The following AKAP8L variants were observed in gnomAD, a reference collection of about 807,000 sequenced individuals.
The protein encoded by AKAP8L is A-kinase anchoring protein 8 like.
Under a neutral mutation model 77.5 loss-of-function variants are expected in AKAP8L, and 34 were observed. That is an observed-to-expected ratio of 0.44 (90% CI 0.33 to 0.58). The LOEUF (loss-of-function observed/expected upper bound fraction) is 0.58. Ranked by LOEUF, AKAP8L falls within the 20% of genes least tolerant of loss-of-function variation. AKAP8L has a pLI of 0.02. For synonymous variants in AKAP8L, 342 were observed against 340.7 expected (o/e 1.00, Z -0.04); for missense variants, 806 against 887.6 (o/e 0.91, Z 1.17).
In AKAP8L at chr19:15,400,338, T is replaced by C; in HGVS notation, c.1005A>G (p.Gly335=). The C allele has an allele frequency of 6.2e-7, 1 of 1,612,892 alleles. No homozygotes were observed. ...TGCCTTCTTCTCTCCCATCCTCTTT[T>C]CCCTCCTCATCCTCTCCGTCCTAAC... ...GSRVDGEDEE[G]KEDGREEGKE... The change falls in exon 8 of 14, where the codon GGA becomes GGG. Residue 335 remains glycine (G), a synonymous_variant. Transcript: ENST00000397410.
rs1268572977 is a variant in AKAP8L, at chr19:15,398,637, G to A, written c.1157+665C>T. The A allele has an allele frequency of 1.3e-5, 13 of 986,494 alleles. No homozygotes were observed. The highest frequency in any genetic ancestry group is 1.1e-4 in the East Asian group (1 of 8,804). 61.1% of individuals were successfully genotyped at this position (986,494 alleles called of 1,614,324 possible). The stretch of plus-strand genomic sequence containing the variant: ...CTCGGGGCGGGTCCCTACCTCTGCC[G>A]GACGTCCTTATCTGGGCCACGGGGT... On this transcript the variant is annotated intron_variant, in intron 9 of 13. Coordinates refer to ENST00000397410, the MANE Select transcript of AKAP8L (RefSeq NM_014371.4). This position sits in a 1 kb window ranked among gnomAD's most constrained non-coding sequence, Gnocchi z 9.2.
chr19:15,398,826 C>T lies in AKAP8L; in HGVS notation c.1157+476G>A. ...GGGCTCAGCCGCAGACAGGCCCGGC[C>T]TGACAGGGCCGGCGGGCAGGGCAGA... is the stretch of plus-strand genomic sequence containing the variant. On this transcript the variant is annotated intron_variant, in intron 9 of 13. Coordinates refer to ENST00000397410, the MANE Select transcript of AKAP8L (RefSeq NM_014371.4). This position sits in a 1 kb window ranked among gnomAD's most constrained non-coding sequence, Gnocchi z 9.2. 1 of 1,016,220 alleles carries T rather than the reference C, an allele frequency of 9.8e-7. No homozygotes were observed. Among genetic ancestry groups the T allele is most frequent in the Non-Finnish European group, 1.2e-6 (1 of 848,576 alleles). 63.0% of individuals were successfully genotyped at this position (1,016,220 alleles called of 1,614,324 possible). A position where few individuals can be genotyped will look rare whatever the true frequency, so the allele number is the denominator to read the frequency against.
intron 2 of AKAP8L, among the ~76,000 whole-genome samples, chr19:15,409,613 G>T (rs1464529165): frequency 6.6e-6 from 1 of 152,066 alleles, no homozygotes; most frequent in East Asian, 1.9e-4. Flanking sequence ...TTCCAAAGAG[G>T]GCTCCTTCTC....
At position 15,399,225 on chromosome 19, in the gene AKAP8L, G is replaced by C. The variant is rs1967838589; in HGVS notation, c.1157+77C>G. ...AGGGAGGCCAGAGGGCGGCGAGCTG[G>C]CAGAGCTATGGCCCTGCTCTCCTGG... On this transcript the variant is annotated intron_variant, in intron 9 of 13. Transcript: ENST00000397410. The surrounding 1 kb of genome is among the most constrained non-coding windows in gnomAD (Gnocchi z 6.1). 7.4e-7 allele frequency: 1 copy of C among 1,351,004 alleles called. No homozygotes were observed. The highest frequency in any genetic ancestry group is 1.1e-6 in the Non-Finnish European group (1 of 945,862). 83.7% of individuals were successfully genotyped at this position (1,351,004 alleles called of 1,614,324 possible).
At chr19:15,383,000 A>G (rs1568260117) in intron 12 of AKAP8L, among the ~76,000 whole-genome samples, 1 of 152,234 alleles carries the variant, frequency 6.6e-6, no homozygotes, top group Non-Finnish European at 1.5e-5. Context: ...AAATTGGCAT[A>G]TAGGTCTACC....
At chr19:15,405,547 A>G (rs1481960946) in intron 2 of AKAP8L, among the ~76,000 whole-genome samples, 1 of 152,032 alleles carries the variant, frequency 6.6e-6, no homozygotes, top group Non-Finnish European at 1.5e-5. Flanking sequence ...AAAAAATAGA[A>G]CAACACACAG....
chr19:15,418,912 T>A lies in AKAP8L; in HGVS notation c.12A>T (p.Thr4=), dbSNP rs1446287295. 2 of 1,603,802 alleles carry A rather than the reference T, an allele frequency of 1.2e-6. No homozygotes were observed. Among genetic ancestry groups the A allele is most frequent in the Admixed American group, 3.3e-5 (2 of 59,970 alleles). The change falls in exon 1 of 14, where the codon ACA becomes ACT. Residue 4 remains threonine, a splice_region_variant and synonymous_variant. Coordinates refer to ENST00000397410, the MANE Select transcript of AKAP8L (RefSeq NM_014371.4). ...CCGACCCCACCCTGCCAGGCCCACCTGTGTAGCTCATGGTGGCGGGCAACA... is the reference window on the plus strand; with the variant it reads ...CCGACCCCACCCTGCCAGGCCCACCAGTGTAGCTCATGGTGGCGGGCAACA... The part of the protein sequence containing the change: MSY[T]GFVQGSETTL...
chr19:15,418,249 C>T (rs1038967302), intron 1 of AKAP8L, among the ~76,000 whole-genome samples: 3 of 152,356 alleles, frequency 2.0e-5, no homozygotes, highest in Admixed American at 1.3e-4. Context: ...GAATTCTTGT[C>T]TGTATTCCCA....
chr19:15,408,078 T>C (rs925068955), intron 2 of AKAP8L, among the ~76,000 whole-genome samples: 1 of 151,834 alleles, frequency 6.6e-6, no homozygotes, highest in Non-Finnish European at 1.5e-5. Flanking sequence ...GTGGATCATG[T>C]GAGGTCGGGA....
rs1967684097 is a variant in AKAP8L, at chr19:15,392,511, A to G, written c.1536+4639T>C. Among the ~76,000 whole-genome samples, 3 of 152,156 alleles carry G rather than the reference A, an allele frequency of 2.0e-5. No individual in the cohort carries two copies. The South Asian group carries it at 6.2e-4, about 32-fold the overall frequency. ...GACCCTATTTCAAGAATAAAAAAAA[A>G]AAGTATTTTTATACACATGCAAAAA... On this transcript the variant is annotated intron_variant, in intron 12 of 13. Transcript: ENST00000397410.
At chr19:15,413,485 G>A (rs1338748001) in intron 1 of AKAP8L, among the ~76,000 whole-genome samples, 1 of 152,118 alleles carries the variant, frequency 6.6e-6, no homozygotes, top group Non-Finnish European at 1.5e-5. Context: ...AAAACCGAGG[G>A]TATACAGATC....
In AKAP8L at chr19:15,400,290, C is replaced by CCCAG; in HGVS notation, c.1048+4_1048+5insCTGG. 6.3e-7 allele frequency: 1 copy of CCCAG among 1,593,172 alleles called. No individual in the cohort carries two copies. Among genetic ancestry groups the CCCAG allele is most frequent in the South Asian group, 1.1e-5 (1 of 90,670 alleles). ...CCTAGCACCAGGCACCCCAGGAAAACTCACCCTTCTCTGGATCCTCTTTGC... is the reference window on the plus strand; with the variant it reads ...CCTAGCACCAGGCACCCCAGGAAAACCCAGTCACCCTTCTCTGGATCCTCTTTGC... On this transcript the variant is annotated splice_donor_region_variant and intron_variant, in intron 8 of 13. Coordinates refer to ENST00000397410, the MANE Select transcript of AKAP8L (RefSeq NM_014371.4).
intron 1 of AKAP8L, among the ~76,000 whole-genome samples, chr19:15,412,823 TGA>T (rs1968132943): frequency 6.6e-6 from 1 of 152,246 alleles, no homozygotes; most frequent in Non-Finnish European, 1.5e-5. Flanking sequence ...ATTACAGGCG[TGA>T]GCCACTGCGC....
intron 1 of AKAP8L, among the ~76,000 whole-genome samples, chr19:15,417,868 C>A (rs575130953): frequency 6.6e-6 from 1 of 152,314 alleles, no homozygotes; most frequent in African/African-American, 2.4e-5. Context: ...AAGGCAAACC[C>A]AGGAGGCCTT....
chr19:15,400,332 C>T lies in AKAP8L; in HGVS notation c.1011G>A (p.Glu337=). ...RVDGEDEEGK[E]DGREEGKEDP... ...CCTCTTTGCCTTCTTCTCTCCCATC[C>T]TCTTTTCCCTCCTCATCCTCTCCGT... Residue 337 remains glutamate, a synonymous_variant, in exon 8 of 14, where the codon GAG becomes GAA. Coordinates refer to ENST00000397410, the MANE Select transcript of AKAP8L (RefSeq NM_014371.4). 6.2e-7 allele frequency: 1 copy of T among 1,613,916 alleles called. No individual in the cohort carries two copies. The highest frequency in any genetic ancestry group is 8.5e-7 in the Non-Finnish European group (1 of 1,179,850).
chr19:15,404,168 C>T (rs1190606160), intron 2 of AKAP8L, 126 bp from the exon 3 acceptor site: 2 of 959,790 alleles, frequency 2.1e-6, no homozygotes, highest in Non-Finnish European at 3.2e-6. Flanking sequence ...AACCGAGAAG[C>T]CTTGAGCTCG....
At chr19:15,418,199 T>C (rs1301956619) in intron 1 of AKAP8L, among the ~76,000 whole-genome samples, 2 of 152,222 alleles carry the variant, frequency 1.3e-5, no homozygotes, top group Non-Finnish European at 2.9e-5. Flanking sequence ...CTACACTCGC[T>C]TATTTGCCTA....
At chr19:15,407,586 A>C (rs1157369837) in intron 2 of AKAP8L, among the ~76,000 whole-genome samples, 1 of 152,252 alleles carries the variant, frequency 6.6e-6, no homozygotes, top group Non-Finnish European at 1.5e-5. Flanking sequence ...AAACCTACAA[A>C]TCAAATAGCA....
In AKAP8L at chr19:15,400,959, C is replaced by T. The variant is rs1568268705; in HGVS notation, c.901G>A (p.Asp301Asn). 3.1e-6 allele frequency: 5 copies of T among 1,613,960 alleles called. No homozygotes were observed. Among genetic ancestry groups the T allele is most frequent in the Non-Finnish European group, 4.2e-6 (5 of 1,179,874 alleles). Reference sequence around the variant, plus strand: ...CTAGTGGGCTCACCATTGTCTGAGTCGCTGTTGTCCGAGCAGTCCGTGCGG... The same window carrying T: ...CTAGTGGGCTCACCATTGTCTGAGTTGCTGTTGTCCGAGCAGTCCGTGCGG... ...ATRTDCSDNS[D>N]SDNDEGTEGE... is the part of the protein sequence containing the mutation. The change falls in exon 6 of 14, where the codon GAC (aspartate) becomes AAC (asparagine). Residue 301 changes from aspartate to asparagine, a missense_variant. By Grantham distance (23) the Asp-to-Asn change is conservative. Coordinates refer to ENST00000397410, the MANE Select transcript of AKAP8L (RefSeq NM_014371.4).
Sources: allele counts gnomAD v4.1 joint callset (sites outside exome capture counted in the v4.1 genomes callset), GRCh38; gene constraint gnomAD v4.1.1; non-coding constraint Gnocchi (gnomAD v3.1); transcripts MANE v1.5; gene names NCBI Gene and HGNC (gene_info 2026-07-23, HGNC 2026-07-21).